Variants in DLG2 observed in about 807,000 individuals in gnomAD.
DLG2 encodes the protein disks large homolog 2.
Under a neutral mutation model 132.5 loss-of-function variants are expected in DLG2, and 45 were observed. The ratio of observed to expected loss-of-function variants is 0.34; its 90% confidence interval spans 0.27 to 0.44. The LOEUF is 0.44. Among genes scored for constraint, DLG2 ranks in the 20% least tolerant of loss-of-function variants. The probability of loss-of-function intolerance (pLI) is 1.00; values close to 1 mark genes in which losing one functional copy is unlikely to be tolerated. For missense variants in DLG2, 1,045 were observed against 1,196.9 expected, an observed-to-expected ratio of 0.87 and a Z score of 1.87; for synonymous variants, 424 against 419.6, an observed-to-expected ratio of 1.01 and a Z score of -0.13.
At chr11:83,483,597 C>A (rs1282184625) in intron 22 of DLG2, among the ~76,000 whole-genome samples, 1 of 152,106 alleles carries the variant, frequency 6.6e-6, no homozygotes, top group Non-Finnish European at 1.5e-5. Flanking sequence ...ACAGAAATGT[C>A]CCACTTAAGG....
chr11:84,501,258 T>G (rs888143245), intron 7 of DLG2, among the ~76,000 whole-genome samples: 1 of 152,244 alleles, frequency 6.6e-6, no homozygotes, highest in Non-Finnish European at 1.5e-5. Flanking sequence ...AAGTAGATTC[T>G]GAAATGTTTA....
chr11:84,468,106 A>G (rs1375031201), intron 7 of DLG2, among the ~76,000 whole-genome samples: 1 of 151,612 alleles, frequency 6.6e-6, no homozygotes, highest in Non-Finnish European at 1.5e-5. Flanking sequence ...AACAAAGTGC[A>G]CAATACCTGA....
At chr11:85,087,903 A>C (rs939165424) in intron 6 of DLG2, among the ~76,000 whole-genome samples, 27 of 151,404 alleles carry the variant, frequency 1.8e-4, no homozygotes, top group African/African-American at 5.8e-4. Flanking sequence ...CACTGTGTTA[A>C]GGAATTTAAA....
chr11:84,111,034 T>C (rs1295258191), intron 9 of DLG2, among the ~76,000 whole-genome samples: 1 of 152,188 alleles, frequency 6.6e-6, no homozygotes, highest in Non-Finnish European at 1.5e-5. Context: ...CTCTATATAA[T>C]TCTCTAAGTG....
Position 83,604,271 on chromosome 11 carries a change from A to G in DLG2, c.1940+28940T>C, listed in dbSNP as rs187164709. Among the ~76,000 whole-genome samples the G allele has an allele frequency of 1.7e-3, 256 of 152,344 alleles. 1 individual carries two copies. The highest frequency in any genetic ancestry group is 5.9e-3 in the African/African-American group (247 of 41,590). On this transcript the variant is annotated intron_variant, in intron 19 of 27. Transcript: ENST00000376104. ...GCTTCAAACTGCTTCCTTTATTCATAAGAGATTCCACCTATTTCAAGTGTG... is the reference window on the plus strand; with the variant it reads ...GCTTCAAACTGCTTCCTTTATTCATGAGAGATTCCACCTATTTCAAGTGTG...
In DLG2 at chr11:83,995,359, G is replaced by A. The variant is rs1001242218; in HGVS notation, c.920-14717C>T. Among the ~76,000 whole-genome samples, 5 of 152,260 alleles carry A rather than the reference G, an allele frequency of 3.3e-5. No individual in the cohort carries two copies. In the South Asian group the frequency reaches 1.0e-3, roughly 32 times the overall value. On this transcript the variant is annotated intron_variant, in intron 11 of 27. Coordinates refer to ENST00000376104, the MANE Select transcript of DLG2 (RefSeq NM_001142699.3). ...TCCACATGTAGAAATAGAGGCTCAT[G>A]AGGCTCCAGAAGTGCCATGTTAAAA...
intron 6 of DLG2, among the ~76,000 whole-genome samples, chr11:84,538,478 G>A (rs2154521679): frequency 6.6e-6 from 1 of 152,294 alleles, no homozygotes; most frequent in Middle Eastern, 3.4e-3. Flanking sequence ...ATACCTCACG[G>A]TGAGACAAAT....
intron 2 of DLG2, among the ~76,000 whole-genome samples, chr11:85,622,198 C>T (rs1241231752): frequency 6.6e-6 from 1 of 152,066 alleles, no homozygotes; most frequent in African/African-American, 2.4e-5. Flanking sequence ...ATAATACGAT[C>T]GCAAACCTAA....
intron 15 of DLG2, among the ~76,000 whole-genome samples, chr11:83,906,308 CACACACACACA>C (rs1565586503): frequency 2.4e-4 from 34 of 139,056 alleles, no homozygotes; most frequent in South Asian, 9.5e-4. Flanking sequence ...CACACACACA[CACACACACACA>C]CCTCGGCCTC....
At chr11:83,486,843 A>T (rs2093545331) in intron 21 of DLG2, among the ~76,000 whole-genome samples, 1 of 152,108 alleles carries the variant, frequency 6.6e-6, no homozygotes, top group African/African-American at 2.4e-5. Context: ...ACAGACTTAA[A>T]AGTCACATGT....
At chr11:84,294,466 C>T (rs975613746) in intron 7 of DLG2, among the ~76,000 whole-genome samples, 8 of 152,126 alleles carry the variant, frequency 5.3e-5, no homozygotes, top group East Asian at 3.9e-4. Context: ...GGTGTGTTGG[C>T]GCATGCCTGT....
At chr11:84,661,293 T>G (rs1282134787) in intron 6 of DLG2, among the ~76,000 whole-genome samples, 1 of 152,146 alleles carries the variant, frequency 6.6e-6, no homozygotes, top group Non-Finnish European at 1.5e-5. Context: ...GCTGAAAGCA[T>G]CAGAAGTATT....
At chr11:84,935,790 T>C (rs1305873082) in intron 6 of DLG2, among the ~76,000 whole-genome samples, 1 of 152,150 alleles carries the variant, frequency 6.6e-6, no homozygotes, top group Non-Finnish European at 1.5e-5. Flanking sequence ...TCTAGAAAGC[T>C]TTCCCTTCTA....
intron 18 of DLG2, among the ~76,000 whole-genome samples, chr11:83,669,349 A>G (rs2076432107): frequency 6.6e-6 from 1 of 152,198 alleles, no homozygotes; most frequent in African/African-American, 2.4e-5. Context: ...TGAAAAGTCT[A>G]TAAAGAAACA....
chr11:83,568,677 G>T (rs1483169027), intron 19 of DLG2, among the ~76,000 whole-genome samples: 1 of 152,090 alleles, frequency 6.6e-6, no homozygotes, highest in East Asian at 1.9e-4. Context: ...AGAATGCAGG[G>T]GAGGAGGAAG....
intron 18 of DLG2, among the ~76,000 whole-genome samples, chr11:83,634,730 T>C (rs1046423392): frequency 2.0e-5 from 3 of 152,222 alleles, no homozygotes; most frequent in African/African-American, 7.2e-5. Flanking sequence ...ACTGGATATG[T>C]ATTGATTAAT....
chr11:84,125,638 A>G (rs1220683890), intron 9 of DLG2, among the ~76,000 whole-genome samples: 1 of 152,224 alleles, frequency 6.6e-6, no homozygotes, highest in African/African-American at 2.4e-5. Flanking sequence ...ACAGCTGTCA[A>G]TAAGAAACCC....
At chr11:83,468,614 C>A (rs1480889861) in intron 25 of DLG2, among the ~76,000 whole-genome samples, 7 of 152,182 alleles carry the variant, frequency 4.6e-5, no homozygotes, top group South Asian at 2.1e-4. Flanking sequence ...TCTCTGTGTT[C>A]ACAGGAAATA....
intron 6 of DLG2, among the ~76,000 whole-genome samples, chr11:84,815,385 G>T (rs760756344): frequency 6.6e-5 from 10 of 151,998 alleles, no homozygotes; most frequent in Non-Finnish European, 1.0e-4. Flanking sequence ...AGGGGCAGAA[G>T]GTGTCAGTAA....
Sources: gnomAD v4.1 joint callset for allele counts (sites outside exome capture counted in the v4.1 genomes callset) on GRCh38, gnomAD v4.1.1 for gene constraint, MANE v1.5 for transcripts, NCBI Gene and HGNC (gene_info 2026-07-23, HGNC 2026-07-21) for gene names.